ACOT12: variants seen among roughly 807,000 people sequenced by gnomAD.
ACOT12 encodes the protein acetyl-coenzyme A thioesterase.
ACOT12 carries 51 observed loss-of-function variants against 67.7 expected under a neutral mutation model. The observed-to-expected ratio is 0.75, with a 90% CI of 0.60 to 0.95. The LOEUF is 0.95. Ranked by LOEUF, ACOT12 falls within the 40% of genes least tolerant of loss-of-function variation. ACOT12 has a pLI of 0.00. For synonymous variants in ACOT12, 251 were observed against 244.6 expected (o/e 1.03, Z -0.24); for missense variants, 734 against 708.1 (o/e 1.04, Z -0.41).
chr5:81,370,239 A>G lies in ACOT12; in HGVS notation c.258+1511T>C, dbSNP rs1156802357. ...CCGTGAGCCGAGATCTTGCCATTGC[A>G]CTCCAGCCTGGCAACAGAGTGAGGC... On this transcript the variant is annotated intron_variant, in intron 3 of 14. Transcript: ENST00000307624. Among the ~76,000 whole-genome samples the G allele has an allele frequency of 3.3e-5, 5 of 152,120 alleles. No homozygotes were observed. In the East Asian group the frequency reaches 9.6e-4, roughly 29 times the overall value.
At chr5:81,313,992 A>G in the ACOT12 span, among the ~76,000 whole-genome samples, 2 of 152,212 alleles carry the variant, frequency 1.3e-5, no homozygotes, top group Admixed American at 6.6e-5. Flanking sequence ...CTGTCCCATC[A>G]GGAGCAGAGT....
At chr5:81,385,640 A>C in intron 2 of ACOT12, 117 bp downstream of exon 2, 1 of 927,100 alleles carries the variant, frequency 1.1e-6, no homozygotes, top group Admixed American at 2.4e-5. Flanking sequence ...CATGTTATTT[A>C]TTTTATTAAG....
intron 12 of ACOT12, 106 bp downstream of exon 12, chr5:81,335,662 T>TAAA: frequency 7.4e-7 from 1 of 1,349,392 alleles, no homozygotes; most frequent in Admixed American, 2.2e-5. Flanking sequence ...AAATACTCTT[T>TAAA]AAACAATGGG....
intron 11 of ACOT12, among the ~76,000 whole-genome samples, chr5:81,336,851 T>A (rs978760652): frequency 1.3e-5 from 2 of 152,136 alleles, no homozygotes; most frequent in African/African-American, 4.8e-5. Flanking sequence ...TATTTAAACA[T>A]AAATATCATC....
intron 5 of ACOT12, among the ~76,000 whole-genome samples, chr5:81,356,618 A>C (rs1759723081): frequency 6.6e-6 from 1 of 151,950 alleles, no homozygotes; most frequent in South Asian, 2.1e-4. Context: ...TCTACCTCCC[A>C]AAAATTGCCG....
chr5:81,384,006 T>C (rs1418169841), intron 2 of ACOT12, among the ~76,000 whole-genome samples: 1 of 152,040 alleles, frequency 6.6e-6, no homozygotes, highest in Non-Finnish European at 1.5e-5. Flanking sequence ...TAGTGTACAG[T>C]AATGTCTGGG....
At chr5:81,383,436 T>C (rs1467484692) in intron 2 of ACOT12, among the ~76,000 whole-genome samples, 2 of 152,122 alleles carry the variant, frequency 1.3e-5, no homozygotes, top group African/African-American at 4.8e-5. Flanking sequence ...TTACAAGAAA[T>C]ACAAAGGACA....
chr5:81,311,284 G>A, the ACOT12 span: 9 of 1,613,956 alleles, frequency 5.6e-6, no homozygotes, highest in Non-Finnish European at 6.8e-6. Context: ...ATTCAGGTGA[G>A]ATCTCTGGGC....
At chr5:81,353,678 G>A (rs1022923323) in intron 5 of ACOT12, among the ~76,000 whole-genome samples, 12 of 152,116 alleles carry the variant, frequency 7.9e-5, no homozygotes, top group African/African-American at 2.7e-4. Flanking sequence ...TGAGATGTGC[G>A]TGCTTATACA....
intron 3 of ACOT12, among the ~76,000 whole-genome samples, chr5:81,367,266 A>G (rs764959051): frequency 3.3e-5 from 5 of 152,208 alleles, no homozygotes; most frequent in Non-Finnish European, 5.9e-5. Flanking sequence ...GAACACCAGA[A>G]ATGGCAAATA....
At chr5:81,374,027 C>T (rs1760335763) in intron 2 of ACOT12, among the ~76,000 whole-genome samples, 1 of 152,162 alleles carries the variant, frequency 6.6e-6, no homozygotes, top group Non-Finnish European at 1.5e-5. Context: ...CCCAGACCCC[C>T]GTGTATCCTG....
chr5:81,308,612 G>A, the ACOT12 span: 215 of 1,613,638 alleles, frequency 1.3e-4, 1 homozygote, highest in African/African-American at 2.3e-3. Flanking sequence ...TTGCCCCGCC[G>A]CCCTTGAAAA....
chr5:81,315,253 T>C, the ACOT12 span, among the ~76,000 whole-genome samples: 4 of 152,166 alleles, frequency 2.6e-5, no homozygotes, highest in African/African-American at 9.7e-5. Context: ...ACTACAATTA[T>C]GTTCCAAGCC....
At chr5:81,386,859 G>T (rs1319121079) in intron 1 of ACOT12, among the ~76,000 whole-genome samples, 1 of 152,056 alleles carries the variant, frequency 6.6e-6, no homozygotes, top group East Asian at 1.9e-4. Flanking sequence ...CAGAAAATTG[G>T]ACATTCAAAT....
intron 5 of ACOT12, 85 bp downstream of exon 5, chr5:81,359,818 A>C (rs994575220): frequency 7.2e-7 from 1 of 1,393,734 alleles, no homozygotes; most frequent in African/African-American, 1.5e-5. Context: ...GGTAATAATA[A>C]GGTGAAAATA....
At chr5:81,337,921 TA>T (rs1561323479) in intron 11 of ACOT12, among the ~76,000 whole-genome samples, 1 of 152,190 alleles carries the variant, frequency 6.6e-6, no homozygotes, top group Non-Finnish European at 1.5e-5. Context: ...AGCTAAGTTG[TA>T]ACCACCACTG....
intron 2 of ACOT12, among the ~76,000 whole-genome samples, chr5:81,381,334 G>A (rs1487037398): frequency 6.6e-6 from 1 of 152,128 alleles, no homozygotes; most frequent in African/African-American, 2.4e-5. Context: ...CTTCCAAAGT[G>A]CAGGGATTAC....
chr5:81,367,540 C>T (rs1189615894), intron 3 of ACOT12, among the ~76,000 whole-genome samples: 6 of 151,788 alleles, frequency 4.0e-5, no homozygotes, highest in Admixed American at 1.3e-4. Flanking sequence ...ATTGCAAACC[C>T]GAGAAAAACA....
the ACOT12 span, among the ~76,000 whole-genome samples, chr5:81,318,743 C>T: frequency 6.6e-6 from 1 of 152,192 alleles, no homozygotes; most frequent in Non-Finnish European, 1.5e-5. Context: ...TTTGCCTCAA[C>T]TAGTATCACT....
Sources: allele counts gnomAD v4.1 joint callset (sites outside exome capture counted in the v4.1 genomes callset), GRCh38; gene constraint gnomAD v4.1.1; transcripts MANE v1.5; gene names NCBI Gene and HGNC (gene_info 2026-07-23, HGNC 2026-07-21).